TG: variants seen among roughly 807,000 people sequenced by gnomAD.
TG encodes the protein thyroglobulin, also known as thyroid hormones.
Under a neutral mutation model 324.7 loss-of-function variants are expected in TG, and 270 were observed. The observed-to-expected ratio is 0.83, with a 90% confidence interval of 0.75 to 0.92. TG has a LOEUF of 0.92. TG is among the 40% of genes least tolerant of loss of function. TG has a pLI of 0.00. For synonymous variants in TG, 1,401 were observed against 1,327.0 expected (o/e 1.06, Z -1.21); for missense variants, 3,591 against 3,456.4 (o/e 1.04, Z -0.98).
chr8:132,876,031 T>A (rs1425496352), intron 5 of TG, among the ~76,000 whole-genome samples: 1 of 151,962 alleles, frequency 6.6e-6, no homozygotes, highest in African/African-American at 2.4e-5. Flanking sequence ...TCAGTGTAAG[T>A]ATGTTTCAAT....
At chr8:132,936,749 G>C (rs750362472) in intron 25 of TG, among the ~76,000 whole-genome samples, 9 of 152,186 alleles carry the variant, frequency 5.9e-5, no homozygotes, top group Non-Finnish European at 8.8e-5. Context: ...CCTCCTCTCC[G>C]GTGGGGTGGA....
At chr8:133,132,990 C>T (rs926038144) in intron 46 of TG, among the ~76,000 whole-genome samples, 2 of 152,142 alleles carry the variant, frequency 1.3e-5, no homozygotes, top group Non-Finnish European at 2.9e-5. Context: ...CAGGGCATGC[C>T]GGAAGACGGG....
intron 23 of TG, among the ~76,000 whole-genome samples, chr8:132,931,156 C>T (rs1822660514): frequency 6.6e-6 from 1 of 152,222 alleles, no homozygotes; most frequent in Non-Finnish European, 1.5e-5. Context: ...CTCACTTCTC[C>T]CTGTGACTTC....
intron 43 of TG, among the ~76,000 whole-genome samples, chr8:133,098,489 T>A (rs1309712496): frequency 6.6e-6 from 1 of 152,228 alleles, no homozygotes; most frequent in Non-Finnish European, 1.5e-5. Flanking sequence ...AATTTCCCAC[T>A]CACCTCCTTA....
chr8:133,016,889 G>A (rs900059266), intron 37 of TG, among the ~76,000 whole-genome samples: 4 of 152,240 alleles, frequency 2.6e-5, no homozygotes, highest in East Asian at 1.9e-4. Context: ...ACTGATGAAC[G>A]TCGCTGGCGA....
intron 41 of TG, among the ~76,000 whole-genome samples, chr8:133,052,130 C>A (rs2702971): frequency 0.2 from 30,853 of 152,140 alleles, 3,722 homozygotes; most frequent in East Asian, 0.56. Flanking sequence ...ACCTCTAGAT[C>A]CTGCCTCTTA....
chr8:132,869,820 G>A lies in TG; in HGVS notation c.268G>A (p.Val90Met). Residue 90 changes from valine to methionine, a missense_variant, in exon 3 of 48, where the codon GTG becomes ATG. Coordinates refer to ENST00000220616, the MANE Select transcript of TG (RefSeq NM_003235.5). ...GGGCAGCAGGCAGCCAGGACGGCCT[G>A]TGGCTTGTAAGTGGGAGTGGGGGAC... ...VLGSRQPGRP[V>M]ACLSFCQLQK... The A allele has an allele frequency of 6.2e-7, 1 of 1,614,010 alleles. No individual in the cohort carries two copies. The highest frequency in any genetic ancestry group is 1.1e-5 in the South Asian group (1 of 91,084).
In TG at chr8:132,882,271, A is replaced by G. The variant is rs1490109502; in HGVS notation, c.746-198A>G. 2.0e-5 allele frequency among the ~76,000 whole-genome samples: 3 copies of G among 152,252 alleles called. No individual in the cohort carries two copies. The East Asian group carries it at 5.8e-4, about 29-fold the overall frequency. ...GGATTTAATCTCTTATTCTATAAGC[A>G]CTGCTCCTTTGTTTCTATGAACAGC... On this transcript the variant is annotated intron_variant, in intron 6 of 47. Transcript: ENST00000220616.
intron 2 of TG, 91 bp downstream of exon 2, chr8:132,868,314 C>A: frequency 2.6e-6 from 3 of 1,173,150 alleles, no homozygotes; most frequent in Admixed American, 3.8e-5. Flanking sequence ...CTCTGCCCTG[C>A]AACTCCTTTG....
intron 11 of TG, among the ~76,000 whole-genome samples, chr8:132,896,706 A>G (rs966298220): frequency 6.6e-6 from 1 of 151,980 alleles, no homozygotes; most frequent in Non-Finnish European, 1.5e-5. Context: ...TCATGCATTC[A>G]TTCACGCTTT....
At chr8:133,029,238 A>C (rs555638630) in intron 40 of TG, among the ~76,000 whole-genome samples, 2,030 of 145,070 alleles carry the variant, frequency 0.014, 55 homozygotes, top group African/African-American at 0.051. Flanking sequence ...ATTTAAAAAA[A>C]AAAATAGTGT....
chr8:132,979,427 G>A (rs1365509417), intron 34 of TG, among the ~76,000 whole-genome samples: 2 of 152,150 alleles, frequency 1.3e-5, no homozygotes, highest in African/African-American at 4.8e-5. Context: ...TAAGAATCTG[G>A]AAAGGAAATG....
At chr8:133,090,291 A>C (rs1346378569) in intron 41 of TG, among the ~76,000 whole-genome samples, 2 of 152,250 alleles carry the variant, frequency 1.3e-5, no homozygotes, top group Non-Finnish European at 2.9e-5. Flanking sequence ...CAGGAGAAGC[A>C]GAGAGAAGCC....
At chr8:132,892,964 GTGGTGTGTATGTGTGTGGTTGTGTGTA>G (rs1331694876) in intron 10 of TG, among the ~76,000 whole-genome samples, 3 of 148,830 alleles carry the variant, frequency 2.0e-5, no homozygotes, top group Admixed American at 2.0e-4. Context: ...TGTGTACTGT[GTGGTGTGTATGTGTGTGGTTGTGTGTA>G]TGGTGTGTAT....
intron 41 of TG, among the ~76,000 whole-genome samples, chr8:133,085,119 G>A (rs558844150): frequency 2.0e-5 from 3 of 152,242 alleles, no homozygotes; most frequent in South Asian, 2.1e-4. Flanking sequence ...TCTTTCCTCC[G>A]TGTGTAGACA....
At position 132,966,688 on chromosome 8, in the gene TG, TGCC is replaced by T; in HGVS notation, c.5678_5680del (p.Cys1893_Leu1894delinsPhe). 6.2e-7 allele frequency: 1 copy of T among 1,614,126 alleles called. No individual in the cohort carries two copies. The highest frequency in any genetic ancestry group is 1.1e-5 in the South Asian group (1 of 91,088). On this transcript the variant is annotated inframe_deletion, in exon 30 of 48. Coordinates refer to ENST00000220616, the MANE Select transcript of TG (RefSeq NM_003235.5). ...TTCAGCCCAGCAGGCAAACCTATGG[TGCC>T]TTTCTCGTAAGTATCCTTAGAACTC...
At chr8:133,037,039 T>A (rs1378655946) in intron 41 of TG, 1 of 152,162 alleles carries the variant, frequency 6.6e-6, no homozygotes. Context: ...CACACTAGAA[T>A]CTATGATACA....
chr8:133,006,278 A>AAAACCG (rs1369104619), intron 35 of TG, among the ~76,000 whole-genome samples: 4 of 152,364 alleles, frequency 2.6e-5, no homozygotes, highest in African/African-American at 9.6e-5. Flanking sequence ...AACCAAAACC[A>AAAACCG]AAAAGGATAT....
In TG at chr8:133,091,382, A is replaced by G. The variant is rs562855326; in HGVS notation, c.7240-3662A>G. Among the ~76,000 whole-genome samples, 6 of 152,302 alleles carry G rather than the reference A, an allele frequency of 3.9e-5. No individual in the cohort carries two copies. The East Asian group carries it at 9.7e-4, about 25-fold the overall frequency. ...GCAAGGCGTGCCAGGAGGGAGGCGG[A>G]GTCCATCCAGAGGACCCTCTGACAC... On this transcript the variant is annotated intron_variant, in intron 41 of 47. Coordinates refer to ENST00000220616, the MANE Select transcript of TG (RefSeq NM_003235.5).
Sources: gnomAD v4.1 joint callset for allele counts (sites outside exome capture counted in the v4.1 genomes callset) on GRCh38, gnomAD v4.1.1 for gene constraint, MANE v1.5 for transcripts, NCBI Gene and HGNC (gene_info 2026-07-23, HGNC 2026-07-21) for gene names.